ABCD2: variants seen among roughly 807,000 people sequenced by gnomAD.
The protein encoded by ABCD2 is ATP-binding cassette sub-family D member 2.
In ABCD2, 36 loss-of-function variants were observed where a neutral mutation model predicts 70.9. The ratio of observed to expected loss-of-function variants is 0.51; its 90% CI spans 0.39 to 0.67. The LOEUF is 0.67. Ranked by LOEUF, ABCD2 falls within the 30% of genes least tolerant of loss-of-function variation. The pLI is 0.00. For missense variants in ABCD2, 729 were observed against 890.2 expected (o/e 0.82, Z 2.30); for synonymous variants, 304 against 306.9 (o/e 0.99, Z 0.10).
At chr12:39,564,161 T>G (rs1478176132) in intron 9 of ABCD2, among the ~76,000 whole-genome samples, 1 of 152,192 alleles carries the variant, frequency 6.6e-6, no homozygotes, top group Non-Finnish European at 1.5e-5. Context: ...GATGGCTGGG[T>G]CAAATGGTAG....
In ABCD2 at chr12:39,579,293, C is replaced by T. The variant is rs564645698; in HGVS notation, c.1877+242G>A. On this transcript the variant is annotated intron_variant, in intron 8 of 9. Transcript: ENST00000308666. The stretch of plus-strand genomic sequence containing the variant: ...AGGAGAATTGCTTGGGCCTGGGAGA[C>T]GGAGGTTGCAGTGAGCCAAGATCGT... Among the ~76,000 whole-genome samples the T allele has an allele frequency of 5.3e-5, 8 of 152,298 alleles. No individual in the cohort carries two copies. The South Asian group carries it at 8.3e-4, about 16-fold the overall frequency.
intron 6 of ABCD2, among the ~76,000 whole-genome samples, chr12:39,596,370 C>T (rs1432120929): frequency 1.3e-5 from 2 of 151,868 alleles, no homozygotes; most frequent in Non-Finnish European, 1.5e-5. Flanking sequence ...CTAAATGATA[C>T]ATAAACATCA....
chr12:39,616,627 A>G (rs1021600358), intron 2 of ABCD2, among the ~76,000 whole-genome samples: 8 of 152,214 alleles, frequency 5.3e-5, no homozygotes, highest in Admixed American at 4.6e-4. Flanking sequence ...TGTTTATAAC[A>G]CATGAGGAAT....
intron 9 of ABCD2, among the ~76,000 whole-genome samples, chr12:39,567,435 T>C (rs986379174): frequency 6.6e-6 from 1 of 152,144 alleles, no homozygotes; most frequent in Non-Finnish European, 1.5e-5. Context: ...TCTCTTTTAT[T>C]AGAGACTAGG....
intron 2 of ABCD2, among the ~76,000 whole-genome samples, chr12:39,615,285 C>T (rs919367308): frequency 4.0e-5 from 6 of 151,704 alleles, no homozygotes; most frequent in Admixed American, 3.3e-4. Context: ...CTCTAATATA[C>T]ATTATATATT....
At chr12:39,560,438 C>A (rs1200805825) in intron 9 of ABCD2, among the ~76,000 whole-genome samples, 1 of 152,034 alleles carries the variant, frequency 6.6e-6, no homozygotes, top group Non-Finnish European at 1.5e-5. Flanking sequence ...GGTTCCAAGT[C>A]TTTGCTATTG....
the ABCD2 span, among the ~76,000 whole-genome samples, chr12:39,536,600 A>G: frequency 8.5e-5 from 13 of 152,218 alleles, no homozygotes; most frequent in Admixed American, 8.5e-4. Context: ...AATGGGGAGG[A>G]GAGTTTTTGT....
Position 39,607,584 on chromosome 12 carries a change from A to C in ABCD2, c.1236+15T>G. On this transcript the variant is annotated intron_variant, in intron 3 of 9. Transcript: ENST00000308666. ...ATTTTATTTTAATTGAATTGACAATAAGAAATGCAAGTACCTCTTTGTATG... is the reference window on the plus strand; with the variant it reads ...ATTTTATTTTAATTGAATTGACAATCAGAAATGCAAGTACCTCTTTGTATG... 1 of 1,533,950 alleles carries C rather than the reference A, an allele frequency of 6.5e-7. No homozygotes were observed. The highest frequency in any genetic ancestry group is 8.9e-7 in the Non-Finnish European group (1 of 1,120,702).
chr12:39,582,124 G>T (rs944378484), intron 7 of ABCD2, among the ~76,000 whole-genome samples: 6 of 152,074 alleles, frequency 3.9e-5, no homozygotes, highest in African/African-American at 1.4e-4. Flanking sequence ...AATATTTCAG[G>T]TTTAAGAATT....
intron 9 of ABCD2, among the ~76,000 whole-genome samples, chr12:39,564,222 A>G (rs1566536877): frequency 6.6e-6 from 1 of 152,110 alleles, no homozygotes; most frequent in African/African-American, 2.4e-5. Context: ...CACAATGGTT[A>G]AACTAGTTTA....
chr12:39,581,102 C>G (rs1941589879), intron 7 of ABCD2, among the ~76,000 whole-genome samples: 1 of 152,012 alleles, frequency 6.6e-6, no homozygotes, highest in Admixed American at 6.6e-5. Flanking sequence ...AAGTACATTG[C>G]ATTAAAAAAT....
In ABCD2 at chr12:39,553,800, A is replaced by T. The variant is rs1211079609; in HGVS notation, c.*112T>A. The T allele has an allele frequency of 1.3e-6, 1 of 768,946 alleles. No individual in the cohort carries two copies. Among genetic ancestry groups the T allele is most frequent in the Non-Finnish European group, 2.0e-6 (1 of 492,690 alleles). 47.6% of individuals were successfully genotyped at this position (768,946 alleles called of 1,614,324 possible). On this transcript the variant is annotated 3_prime_UTR_variant, in exon 10 of 10. Transcript: ENST00000308666. ...CCTTAATGCTAAAATCTTATAAAAC[A>T]TGTCTTGCTGCCTTTTTTTCTCTGT...
rs113277707 is a variant in ABCD2, at chr12:39,605,885, A to G, written c.1237-955T>C. 7.0e-3 allele frequency among the ~76,000 whole-genome samples: 1,072 copies of G among 152,324 alleles called. 15 individuals carry two copies. The highest frequency in any genetic ancestry group is 0.024 in the African/African-American group (1,015 of 41,570). ...ATTTCTGTGTATGCAAAACATAAGC[A>G]GTAAATGAGTATGTATTATTATAAA... On this transcript the variant is annotated intron_variant, in intron 3 of 9. Transcript: ENST00000308666.
the ABCD2 span, among the ~76,000 whole-genome samples, chr12:39,538,438 G>A: frequency 6.6e-6 from 1 of 152,126 alleles, no homozygotes; most frequent in African/African-American, 2.4e-5. Flanking sequence ...GCCTCCCAAA[G>A]TGCTGGGATT....
At chr12:39,568,340 T>C (rs1437084360) in intron 9 of ABCD2, among the ~76,000 whole-genome samples, 1 of 152,214 alleles carries the variant, frequency 6.6e-6, no homozygotes, top group Non-Finnish European at 1.5e-5. Context: ...TATTCCTTTT[T>C]CTCTAAACTT....
intron 8 of ABCD2, among the ~76,000 whole-genome samples, chr12:39,575,742 T>C (rs1941507759): frequency 6.6e-6 from 1 of 152,216 alleles, no homozygotes; most frequent in African/African-American, 2.4e-5. Context: ...ATACCTAAAA[T>C]TCCTTTTATC....
In ABCD2 at chr12:39,586,398, A is replaced by G. The variant is rs199875857; in HGVS notation, c.1647-101T>C. 12 of 1,172,230 alleles carry G rather than the reference A, an allele frequency of 1.0e-5. No individual in the cohort carries two copies. The East Asian group carries it at 2.2e-4, about 22-fold the overall frequency. 72.6% of individuals were successfully genotyped at this position (1,172,230 alleles called of 1,614,324 possible). A position where few individuals can be genotyped will look rare whatever the true frequency, so the allele number is the denominator to read the frequency against. ...GAAAACATCAGTGAAGACTTTAAACACTACATTTCCAGGATGATATTTGTT... is the reference window on the plus strand; with the variant it reads ...GAAAACATCAGTGAAGACTTTAAACGCTACATTTCCAGGATGATATTTGTT... On this transcript the variant is annotated intron_variant, in intron 6 of 9. Coordinates refer to ENST00000308666, the MANE Select transcript of ABCD2 (RefSeq NM_005164.4).
chr12:39,619,566 G>A lies in ABCD2; in HGVS notation c.50C>T (p.Ser17Leu). The change falls in exon 1 of 10, where the codon TCG becomes TTG. Residue 17 changes from serine (S) to leucine (L), a missense_variant. Physicochemically the swap from Ser to Leu is moderately radical, Grantham distance 145. Coordinates refer to ENST00000308666, the MANE Select transcript of ABCD2 (RefSeq NM_005164.4). ...GCAGGCAGCCCTCTTAGCAGCACTC[G>A]ATCTGGTCCATTTCACTCGATCAGC... The part of the protein sequence containing the change: ...AAADRVKWTR[S>L]SAAKRAACLV... 6.2e-7 allele frequency: 1 copy of A among 1,611,066 alleles called. No individual in the cohort carries two copies. Among genetic ancestry groups the A allele is most frequent in the Non-Finnish European group, 8.5e-7 (1 of 1,179,984 alleles).
At chr12:39,539,894 A>T in the ABCD2 span, 1 of 152,758 alleles carries the variant, frequency 6.5e-6, no homozygotes, top group South Asian at 2.1e-4. Flanking sequence ...ATCCCAGCTT[A>T]TCTTGCCACC....
Sources: gnomAD v4.1 joint callset for allele counts (sites outside exome capture counted in the v4.1 genomes callset) on GRCh38, gnomAD v4.1.1 for gene constraint, MANE v1.5 for transcripts, NCBI Gene and HGNC (gene_info 2026-07-23, HGNC 2026-07-21) for gene names.